Variants in FGD2 observed in about 807,000 individuals in gnomAD.
FGD2 encodes FYVE, RhoGEF and PH domain-containing protein 2.
FGD2 carries 52 observed loss-of-function variants against 75.9 expected under a neutral mutation model. The observed-to-expected ratio is 0.69, with a 90% CI of 0.55 to 0.86. FGD2 has a LOEUF of 0.86. Ranked by LOEUF, FGD2 falls within the 40% of genes least tolerant of loss-of-function variation. The probability of loss-of-function intolerance (pLI) is 0.00; values close to 1 mark genes in which losing one functional copy is unlikely to be tolerated. For missense variants in FGD2, 790 were observed against 872.0 expected (o/e 0.91, Z 1.18); for synonymous variants, 347 against 348.6 (o/e 1.00, Z 0.05).
Position 37,028,206 on chromosome 6 carries a change from A to C in FGD2, c.*43A>C, listed in dbSNP as rs1583332504. 1 of 1,472,850 alleles carries C rather than the reference A, an allele frequency of 6.8e-7. No homozygotes were observed. The highest frequency in any genetic ancestry group is 1.4e-5 in the African/African-American group (1 of 71,614). 91.2% of individuals were successfully genotyped at this position (1,472,850 alleles called of 1,614,324 possible). On this transcript the variant is annotated 3_prime_UTR_variant, in exon 16 of 16. Transcript: ENST00000274963. The stretch of plus-strand genomic sequence containing the variant: ...TCCTGCCCACCTCTCCCCACCCTGA[A>C]CCCAGCTCCTGCCACAGACTGACCC...
At chr6:37,012,737 G>T (rs764339966) in intron 4 of FGD2, among the ~76,000 whole-genome samples, 1 of 149,786 alleles carries the variant, frequency 6.7e-6, no homozygotes, top group Non-Finnish European at 1.5e-5. Context: ...AGAAAGAAAA[G>T]AAAAGAGAAG....
chr6:37,010,492 C>T (rs753908492), intron 2 of FGD2, among the ~76,000 whole-genome samples: 1 of 152,164 alleles, frequency 6.6e-6, no homozygotes. Flanking sequence ...TAGTTCCCAG[C>T]GGGATCTCTC....
In FGD2 at chr6:37,019,855, C is replaced by CTTT. The variant is rs11385767; in HGVS notation, c.1123-673_1123-671dup. 9.0e-4 allele frequency among the ~76,000 whole-genome samples: 122 copies of CTTT among 136,226 alleles called. 1 individual carries two copies. The highest frequency in any genetic ancestry group is 3.8e-3 in the Middle Eastern group (1 of 264). The allele number at this position is 136,226 out of a possible 152,430, so 89.4% of individuals were successfully genotyped here. A position where few individuals can be genotyped will look rare whatever the true frequency, so the allele number is the denominator to read the frequency against. ...TTTTCTTCTTCTTTTCTTTTCTTTTCTTTTTTTTTTTTTTTGAGACAGAGT... is the reference window on the plus strand; with the variant it reads ...TTTTCTTCTTCTTTTCTTTTCTTTTCTTTTTTTTTTTTTTTTTTGAGACAGAGT... On this transcript the variant is annotated intron_variant, in intron 9 of 15. Coordinates refer to ENST00000274963, the MANE Select transcript of FGD2 (RefSeq NM_173558.4).
chr6:37,027,479 G>A lies in FGD2; in HGVS notation c.1656G>A (p.Gln552=), dbSNP rs1303064074. The A allele has an allele frequency of 1.1e-5, 17 of 1,613,914 alleles. No homozygotes were observed. The Admixed American group carries it at 2.5e-4, about 24-fold the overall frequency. The change falls in exon 15 of 16, where the codon CAG becomes CAA. Residue 552 remains glutamine (Q), a synonymous_variant. Coordinates refer to ENST00000274963, the MANE Select transcript of FGD2 (RefSeq NM_173558.4). ...PDQSLMCSFL[Q]LIGDKWGKSG... is the part of the protein sequence containing the mutation. Reference sequence around the variant, plus strand: ...AGAGCCTGATGTGCAGCTTCCTGCAGCTCATCGGGGACAAGTGGGGCAAGA... The same window carrying A: ...AGAGCCTGATGTGCAGCTTCCTGCAACTCATCGGGGACAAGTGGGGCAAGA...
intron 15 of FGD2, 145 bp downstream of exon 15, chr6:37,027,720 A>G: frequency 8.4e-7 from 1 of 1,191,054 alleles, no homozygotes; most frequent in Non-Finnish European, 1.2e-6. Flanking sequence ...CTGGAGTCTC[A>G]AGGTTGGTAG....
intron 9 of FGD2, among the ~76,000 whole-genome samples, chr6:37,018,160 A>G (rs1042951856): frequency 6.6e-6 from 1 of 152,250 alleles, no homozygotes. Flanking sequence ...AGAGATCGAC[A>G]GATAGGAAGG....
At position 37,015,852 on chromosome 6, in the gene FGD2, G is replaced by A. The variant is rs768665091; in HGVS notation, c.1114G>A (p.Gly372Arg). The part of the protein sequence containing the change: ...FQVRTRIDVA[G>R]MKVRELMDAE... ...GGTGAGGACCCGCATCGATGTGGCC[G>A]GGATGAAGGTAAGAGGCCCCCTAAA... Residue 372 changes from glycine (G) to arginine (R), a missense_variant, in exon 9 of 16, where the codon GGG (glycine) becomes AGG (arginine). Transcript: ENST00000274963. 129 of 1,580,268 alleles carry A rather than the reference G, an allele frequency of 8.2e-5. No individual in the cohort carries two copies. The highest frequency in any genetic ancestry group is 2.4e-4 in the South Asian group (21 of 85,940).
Position 37,028,416 on chromosome 6 carries a change from T to C in FGD2, c.*253T>C. 2.1e-6 allele frequency: 1 copy of C among 466,418 alleles called. No homozygotes were observed. The highest frequency in any genetic ancestry group is 3.2e-5 in the East Asian group (1 of 31,654). 28.9% of individuals were successfully genotyped at this position (466,418 alleles called of 1,614,324 possible). A position where few individuals can be genotyped will look rare whatever the true frequency, so the allele number is the denominator to read the frequency against. On this transcript the variant is annotated 3_prime_UTR_variant, in exon 16 of 16. Transcript: ENST00000274963. ...GGCTCCTGGGCCATGGGACTTCCAG[T>C]GCTAAAACTGGGAAAGCCCCAGGTA... is the stretch of plus-strand genomic sequence containing the variant.
At chr6:37,021,003 T>TGTGC (rs2150780641) in intron 11 of FGD2, among the ~76,000 whole-genome samples, 1 of 148,832 alleles carries the variant, frequency 6.7e-6, no homozygotes, top group South Asian at 2.1e-4. Flanking sequence ...CATGCATGTG[T>TGTGC]GTGCGTGTGT....
In FGD2 at chr6:37,011,703, C is replaced by T. The variant is rs1011738385; in HGVS notation, c.379-3C>T. Reference sequence around the variant, plus strand: ...AGTGAGTGACCTGTCGTGGCGGCTACAGGTGTTTTTCCAGGAGCTGCTGAA... The same window carrying T: ...AGTGAGTGACCTGTCGTGGCGGCTATAGGTGTTTTTCCAGGAGCTGCTGAA... On this transcript the variant is annotated splice_polypyrimidine_tract_variant and splice_region_variant and intron_variant, in intron 3 of 15. Coordinates refer to ENST00000274963, the MANE Select transcript of FGD2 (RefSeq NM_173558.4). 4.3e-6 allele frequency: 7 copies of T among 1,613,212 alleles called. No homozygotes were observed. The African/African-American group carries it at 5.3e-5, about 12-fold the overall frequency.
Position 37,021,506 on chromosome 6 carries a change from C to A in FGD2, c.1234-6C>A. ...AGCCCCGACCCTCCCCCTCCCTGCA[C>A]CCCAGGCCTTCCAAGCAGCCATTGA... On this transcript the variant is annotated splice_region_variant and splice_polypyrimidine_tract_variant and intron_variant, in intron 11 of 15. Transcript: ENST00000274963. The A allele has an allele frequency of 1.2e-6, 2 of 1,612,618 alleles. No individual in the cohort carries two copies. The highest frequency in any genetic ancestry group is 1.7e-6 in the Non-Finnish European group (2 of 1,179,346).
At chr6:37,024,446 A>G (rs899744277) in intron 13 of FGD2, 1 of 152,220 alleles carries the variant, frequency 6.6e-6, no homozygotes, top group Non-Finnish European at 1.5e-5. Flanking sequence ...CACCAGCTAC[A>G]TATTTAAGGG....
At chr6:37,011,465 T>C in intron 3 of FGD2, 1 of 587,872 alleles carries the variant, frequency 1.7e-6, no homozygotes, top group East Asian at 2.9e-5. Flanking sequence ...GGCCTGTTTA[T>C]GGCATTCATC....
chr6:37,020,086 T>A (rs1218098611), intron 9 of FGD2, among the ~76,000 whole-genome samples: 1 of 152,188 alleles, frequency 6.6e-6, no homozygotes, highest in Non-Finnish European at 1.5e-5. Flanking sequence ...TCCTGGCCTC[T>A]AGTGATCTAC....
At chr6:37,009,167 G>C in intron 2 of FGD2, 102 bp downstream of exon 2, 2 of 1,178,656 alleles carry the variant, frequency 1.7e-6, no homozygotes, top group Non-Finnish European at 1.2e-6. Context: ...CAGTTCCCCA[G>C]GTGGGGGTAT....
chr6:37,026,871 G>A (rs930856130), intron 14 of FGD2, among the ~76,000 whole-genome samples: 1 of 151,974 alleles, frequency 6.6e-6, no homozygotes, highest in Non-Finnish European at 1.5e-5. Context: ...AGCCGGGCAT[G>A]GTGGTGCATG....
At chr6:37,021,404 C>A in intron 11 of FGD2, 108 bp from the exon 12 acceptor site, 1 of 927,372 alleles carries the variant, frequency 1.1e-6, no homozygotes, top group Non-Finnish European at 1.6e-6. Flanking sequence ...GCGCCTGGTA[C>A]CCAGTGGGCT....
rs1317717127 is a variant in FGD2 at position 37,008,979 on chromosome 6, T to C, written c.214T>C (p.Tyr72His). 15 of 1,613,996 alleles carry C rather than the reference T, an allele frequency of 9.3e-6. No individual in the cohort carries two copies. Among genetic ancestry groups the C allele is most frequent in the Non-Finnish European group, 1.3e-5 (15 of 1,180,028 alleles). Reference sequence around the variant, plus strand: ...TGAGCCCAGGACAGTCAGCAGGAGGTACCTGAACTCCCTGAAGAACAAGCT... The same window carrying C: ...TGAGCCCAGGACAGTCAGCAGGAGGCACCTGAACTCCCTGAAGAACAAGCT... The part of the protein sequence containing the change: ...GSEPRTVSRR[Y>H]LNSLKNKLSS... Residue 72 changes from tyrosine to histidine, a missense_variant, in exon 2 of 16, where the codon TAC (tyrosine) becomes CAC (histidine). Coordinates refer to ENST00000274963, the MANE Select transcript of FGD2 (RefSeq NM_173558.4).
At position 37,027,977 on chromosome 6, in the gene FGD2, G is replaced by T. The variant is rs750855268; in HGVS notation, c.1782G>T (p.Leu594=). The change falls in exon 16 of 16, where the codon CTG becomes CTT. Residue 594 remains leucine (L), a synonymous_variant. Coordinates refer to ENST00000274963, the MANE Select transcript of FGD2 (RefSeq NM_173558.4). ...TGAGGGCTCACACCTCCATCCCCCT[G>T]CTGGGCTACCAGGTGACTGTTGGGC... ...QDMRAHTSIP[L]LGYQVTVGPQ... 99 of 1,613,902 alleles carry T rather than the reference G, an allele frequency of 6.1e-5. 1 individual carries two copies. In the East Asian group the frequency reaches 2.2e-3, roughly 35 times the overall value.
Sources: gnomAD v4.1 joint callset for allele counts (sites outside exome capture counted in the v4.1 genomes callset) on GRCh38, gnomAD v4.1.1 for gene constraint, MANE v1.5 for transcripts, NCBI Gene and HGNC (gene_info 2026-07-23, HGNC 2026-07-21) for gene names.